Variants in OXR1 observed in about 807,000 individuals in gnomAD.
The protein encoded by OXR1 is oxidation resistance 1.
Under a neutral mutation model 104.6 loss-of-function variants are expected in OXR1, and 41 were observed. The observed-to-expected ratio is 0.39, with a 90% CI of 0.31 to 0.51. The LOEUF (loss-of-function observed/expected upper bound fraction) is 0.51, where lower values mean the gene tolerates loss of function less well. Ranked by LOEUF, OXR1 falls within the 20% of genes least tolerant of loss-of-function variation. The probability of loss-of-function intolerance (pLI) is 0.77; values close to 1 mark genes in which losing one functional copy is unlikely to be tolerated. For synonymous variants in OXR1, 348 were observed against 348.4 expected (o/e 1.00, Z 0.01); for missense variants, 955 against 1,031.9 (o/e 0.93, Z 1.02).
In OXR1 at chr8:106,287,319, T is replaced by A. The variant is rs1398387513; in HGVS notation, c.-139+16952T>A. Among the ~76,000 whole-genome samples, 7 of 152,346 alleles carry A rather than the reference T, an allele frequency of 4.6e-5. No homozygotes were observed. The South Asian group carries it at 8.3e-4, about 18-fold the overall frequency. Reference sequence around the variant, plus strand: ...GATTCACTTTATCTTACATTGATACTTGTCCTGTGGATAATAATTTCTGCT... The same window carrying A: ...GATTCACTTTATCTTACATTGATACATGTCCTGTGGATAATAATTTCTGCT... On this transcript the variant is annotated intron_variant, in intron 1 of 16. Coordinates refer to ENST00000517566, the MANE Select transcript of OXR1 (RefSeq NM_001198533.2).
chr8:106,387,630 T>C lies in OXR1; in HGVS notation c.23+27994T>C, dbSNP rs559278313. Among the ~76,000 whole-genome samples the C allele has an allele frequency of 4.6e-5, 7 of 152,350 alleles. No homozygotes were observed. The South Asian group carries it at 1.4e-3, about 32-fold the overall frequency. On this transcript the variant is annotated intron_variant, in intron 2 of 16. Transcript: ENST00000517566. ...TCACGGCAGAGCTCAAGATTACTTTTTCTTTTCCCACATGGAAAATTTTAA... is the reference window on the plus strand; with the variant it reads ...TCACGGCAGAGCTCAAGATTACTTTCTCTTTTCCCACATGGAAAATTTTAA...
intron 9 of OXR1, among the ~76,000 whole-genome samples, chr8:106,709,034 T>G (rs1228046727): frequency 6.6e-6 from 1 of 152,074 alleles, no homozygotes; most frequent in Admixed American, 6.6e-5. Flanking sequence ...CTATAAAAGA[T>G]TTAATATTTT....
intron 3 of OXR1, among the ~76,000 whole-genome samples, chr8:106,676,672 G>A (rs976509469): frequency 6.6e-6 from 1 of 152,014 alleles, no homozygotes; most frequent in Non-Finnish European, 1.5e-5. Flanking sequence ...TTAGTCTGAT[G>A]GACTTCCCTT....
chr8:106,483,835 T>A (rs1822283468), intron 2 of OXR1, among the ~76,000 whole-genome samples: 1 of 152,078 alleles, frequency 6.6e-6, no homozygotes, highest in Non-Finnish European at 1.5e-5. Flanking sequence ...CTCCCCCAGA[T>A]AACCTTGCTG....
At chr8:106,567,072 A>C (rs949701009) in intron 3 of OXR1, among the ~76,000 whole-genome samples, 1 of 152,150 alleles carries the variant, frequency 6.6e-6, no homozygotes, top group African/African-American at 2.4e-5. Context: ...TATGTAAAAA[A>C]CCTGCACATT....
intron 1 of OXR1, among the ~76,000 whole-genome samples, chr8:106,274,926 G>C (rs1489458824): frequency 1.3e-5 from 2 of 152,232 alleles, no homozygotes; most frequent in Non-Finnish European, 2.9e-5. Flanking sequence ...AATATGGTTT[G>C]AACCAGTGAT....
intron 3 of OXR1, among the ~76,000 whole-genome samples, chr8:106,537,871 G>A (rs1183475547): frequency 6.6e-6 from 1 of 152,078 alleles, no homozygotes; most frequent in Non-Finnish European, 1.5e-5. Flanking sequence ...AATAAAGAGA[G>A]GAAGGAGAGA....
chr8:106,427,904 CA>C (rs1407574838), intron 2 of OXR1, among the ~76,000 whole-genome samples: 3 of 152,118 alleles, frequency 2.0e-5, no homozygotes, highest in African/African-American at 7.2e-5. Flanking sequence ...CTGTAGCATT[CA>C]TAATTATGGA....
chr8:106,560,051 A>C (rs1453215), intron 3 of OXR1, among the ~76,000 whole-genome samples: 107,151 of 151,602 alleles, frequency 0.71, 37,979 homozygotes, highest in South Asian at 0.8. Context: ...TTCAAAAGAC[A>C]TCATGGGTTA....
chr8:106,331,360 A>G (rs1247173751), intron 1 of OXR1, among the ~76,000 whole-genome samples: 1 of 152,210 alleles, frequency 6.6e-6, no homozygotes, highest in East Asian at 1.9e-4. Context: ...AATATTTTTC[A>G]CAATTAAAAT....
At chr8:106,628,841 T>C (rs567834304) in intron 3 of OXR1, among the ~76,000 whole-genome samples, 26 of 152,294 alleles carry the variant, frequency 1.7e-4, no homozygotes, top group African/African-American at 6.0e-4. Context: ...ATTAGCATCT[T>C]GATGTTCAGC....
chr8:106,633,104 G>A (rs533050217), intron 3 of OXR1, among the ~76,000 whole-genome samples: 1 of 151,412 alleles, frequency 6.6e-6, no homozygotes, highest in Non-Finnish European at 1.5e-5. Flanking sequence ...ATGGTGGCAG[G>A]TGCCTGTAAT....
rs761122547 is a variant in OXR1, at chr8:106,448,077, T to C, written c.24-70866T>C. The C allele has an allele frequency of 2.0e-4, 300 of 1,535,306 alleles. 1 individual carries two copies. The Middle Eastern group carries it at 2.3e-3, about 12-fold the overall frequency. The stretch of plus-strand genomic sequence containing the variant: ...GGTGGGATCTATCAGCCTCCATCTG[T>C]TGTTACTTCCTGTGTTATGAAGAAA... On this transcript the variant is annotated intron_variant, in intron 2 of 16. Coordinates refer to ENST00000517566, the MANE Select transcript of OXR1 (RefSeq NM_001198533.2).
chr8:106,398,258 C>T (rs1343614529), intron 2 of OXR1, among the ~76,000 whole-genome samples: 1 of 152,150 alleles, frequency 6.6e-6, no homozygotes, highest in African/African-American at 2.4e-5. Flanking sequence ...TATTCTTAAA[C>T]TTAGCTGTAC....
At chr8:106,534,997 C>T (rs977740092) in intron 3 of OXR1, among the ~76,000 whole-genome samples, 2 of 152,138 alleles carry the variant, frequency 1.3e-5, no homozygotes, top group Admixed American at 6.5e-5. Context: ...GAGTCTCGCT[C>T]TGTCGCCCAG....
chr8:106,442,360 A>G (rs566567765), intron 2 of OXR1, among the ~76,000 whole-genome samples: 1 of 152,260 alleles, frequency 6.6e-6, no homozygotes, highest in South Asian at 2.1e-4. Context: ...CATCAGGGAT[A>G]ATGGCCTGAA....
intron 6 of OXR1, among the ~76,000 whole-genome samples, chr8:106,685,913 G>GT (rs1554620288): frequency 2.0e-5 from 3 of 151,894 alleles, no homozygotes; most frequent in Non-Finnish European, 4.4e-5. Context: ...AGGAAAATGT[G>GT]GTATATATAT....
rs989188359 is a variant in OXR1, at chr8:106,592,801, A to G, written c.220+73662A>G. Among the ~76,000 whole-genome samples, 8 of 152,328 alleles carry G rather than the reference A, an allele frequency of 5.3e-5. No individual in the cohort carries two copies. The South Asian group carries it at 8.3e-4, about 16-fold the overall frequency. The stretch of plus-strand genomic sequence containing the variant: ...AAGAGGAAGCCATTGAAGGATTTCA[A>G]TCAGAGCACCAACCTGATTTATGGT... On this transcript the variant is annotated intron_variant, in intron 3 of 16. Transcript: ENST00000517566.
intron 7 of OXR1, 130 bp downstream of exon 7, chr8:106,693,007 A>G: frequency 1.8e-6 from 1 of 561,972 alleles, no homozygotes; most frequent in African/African-American, 1.9e-5. Flanking sequence ...GGTACTAGTG[A>G]TACTATTATT....
Sources: allele counts gnomAD v4.1 joint callset (sites outside exome capture counted in the v4.1 genomes callset), GRCh38; gene constraint gnomAD v4.1.1; transcripts MANE v1.5; gene names NCBI Gene and HGNC (gene_info 2026-07-23, HGNC 2026-07-21).